JAM3: variants seen among roughly 807,000 people sequenced by gnomAD.
JAM3 encodes junctional adhesion molecule 3.
Under a neutral mutation model 39.4 loss-of-function variants are expected in JAM3, and 31 were observed. The ratio of observed to expected loss-of-function variants is 0.79; its 90% CI spans 0.59 to 1.06. The LOEUF (loss-of-function observed/expected upper bound fraction) is 1.06, where lower values mean the gene tolerates loss of function less well. JAM3 is among the 50% of genes least tolerant of loss of function. The pLI is 0.00. For missense variants in JAM3, 455 were observed against 391.4 expected, an observed-to-expected ratio of 1.16 and a Z score of -1.37; for synonymous variants, 182 against 148.7, an observed-to-expected ratio of 1.22 and a Z score of -1.63.
intron 3 of JAM3, among the ~76,000 whole-genome samples, 154 bp downstream of exon 3, chr11:134,140,924 C>A (rs1214241914): frequency 6.6e-6 from 1 of 150,746 alleles, no homozygotes; most frequent in African/African-American, 2.4e-5. Flanking sequence ...TGGAAAATTT[C>A]AAATATATGC....
intron 1 of JAM3, among the ~76,000 whole-genome samples, chr11:134,096,381 T>C (rs1047919075): frequency 6.6e-6 from 1 of 152,234 alleles, no homozygotes. Flanking sequence ...TTCACTTCCA[T>C]CCAGAAGGCC....
chr11:134,118,749 C>T (rs969547071), intron 1 of JAM3, among the ~76,000 whole-genome samples: 2 of 152,090 alleles, frequency 1.3e-5, no homozygotes, highest in Admixed American at 6.5e-5. Flanking sequence ...TTTGTCTTTC[C>T]TCATAGCTTC....
intron 1 of JAM3, among the ~76,000 whole-genome samples, chr11:134,086,459 A>G (rs1011834657): frequency 3.3e-5 from 5 of 152,134 alleles, no homozygotes; most frequent in African/African-American, 1.2e-4. Context: ...AGTAAAGAAG[A>G]AAAATTTCTC....
intron 1 of JAM3, among the ~76,000 whole-genome samples, chr11:134,117,821 G>T (rs1427207225): frequency 6.6e-6 from 1 of 152,260 alleles, no homozygotes; most frequent in East Asian, 1.9e-4. Flanking sequence ...CTGAAGAAGG[G>T]TGATCACTCC....
chr11:134,071,649 T>G (rs1941485163), intron 1 of JAM3, among the ~76,000 whole-genome samples: 1 of 152,236 alleles, frequency 6.6e-6, no homozygotes, highest in Admixed American at 6.5e-5. Flanking sequence ...TAAGACAACT[T>G]GTGTGCTGAA....
intron 1 of JAM3, among the ~76,000 whole-genome samples, chr11:134,114,822 G>C (rs939275906): frequency 2.0e-5 from 3 of 152,170 alleles, no homozygotes; most frequent in African/African-American, 7.2e-5. Flanking sequence ...GTATTCTGCT[G>C]TCTTTGGGTT....
At chr11:134,117,188 C>G (rs12363101) in intron 1 of JAM3, among the ~76,000 whole-genome samples, 3,335 of 152,008 alleles carry the variant, frequency 0.022, 63 homozygotes, top group Non-Finnish European at 0.031. Flanking sequence ...ATGGTGAAAC[C>G]CTGTCTCTAC....
Position 134,106,168 on chromosome 11 carries a change from A to G in JAM3, c.77-33683A>G, listed in dbSNP as rs981724542. ...AAACAGATATAGATCAATGGAACAG[A>G]ACAGAGCCCTCAGAAATAATACCAC... is the stretch of plus-strand genomic sequence containing the variant. On this transcript the variant is annotated intron_variant, in intron 1 of 8. Coordinates refer to ENST00000299106, the MANE Select transcript of JAM3 (RefSeq NM_032801.5). 3.3e-5 allele frequency among the ~76,000 whole-genome samples: 5 copies of G among 152,338 alleles called. No individual in the cohort carries two copies. The East Asian group carries it at 7.7e-4, about 23-fold the overall frequency.
rs368312974 is a variant in JAM3, at chr11:134,144,837, T to A, written c.455T>A (p.Val152Glu). ...PVCRVPKAVP[V>E]GKMATLHCQE... ...TGTAGAGTGCCGAAGGCTGTACCAGTAGGCAAGATGGCAACACTGCACTGC... is the reference window on the plus strand; with the variant it reads ...TGTAGAGTGCCGAAGGCTGTACCAGAAGGCAAGATGGCAACACTGCACTGC... The change falls in exon 5 of 9, where the codon GTA becomes GAA. Residue 152 changes from valine to glutamate, a missense_variant. Val to Glu is a moderately radical substitution (Grantham distance 121). Coordinates refer to ENST00000299106, the MANE Select transcript of JAM3 (RefSeq NM_032801.5). 2.5e-6 allele frequency: 4 copies of A among 1,614,064 alleles called. No individual in the cohort carries two copies. Among genetic ancestry groups the A allele is most frequent in the African/African-American group, 1.3e-5 (1 of 74,914 alleles).
chr11:134,091,990 A>C (rs1941867648), intron 1 of JAM3, among the ~76,000 whole-genome samples: 1 of 152,146 alleles, frequency 6.6e-6, no homozygotes, highest in Non-Finnish European at 1.5e-5. Context: ...TCATTTCTGT[A>C]CATTTTAAAA....
At chr11:134,122,310 G>A (rs1435235890) in intron 1 of JAM3, among the ~76,000 whole-genome samples, 5 of 152,190 alleles carry the variant, frequency 3.3e-5, no homozygotes, top group African/African-American at 1.2e-4. Flanking sequence ...CTTTAAGCCT[G>A]TATTCAGAGC....
chr11:134,139,783 C>T (rs887791330), intron 1 of JAM3, 68 bp from the exon 2 acceptor site: 19 of 1,229,744 alleles, frequency 1.5e-5, no homozygotes, highest in Middle Eastern at 1.9e-4. Flanking sequence ...GAAAACCTGA[C>T]CTCAGTGCAA....
intron 1 of JAM3, among the ~76,000 whole-genome samples, chr11:134,106,293 T>C (rs1942184410): frequency 1.3e-5 from 2 of 152,140 alleles, no homozygotes; most frequent in African/African-American, 4.8e-5. Context: ...TGGCTAGCCA[T>C]ATGTAGAAAG....
At chr11:134,097,628 T>C (rs1055566198) in intron 1 of JAM3, among the ~76,000 whole-genome samples, 2 of 152,186 alleles carry the variant, frequency 1.3e-5, no homozygotes, top group South Asian at 2.1e-4. Flanking sequence ...TTATAGGGAA[T>C]GGAAAATTCA....
intron 1 of JAM3, among the ~76,000 whole-genome samples, chr11:134,084,009 C>T (rs1591771363): frequency 2.0e-5 from 3 of 152,122 alleles, no homozygotes; most frequent in Admixed American, 1.3e-4. Context: ...CTTATGGCTA[C>T]ATAATAAGGA....
intron 1 of JAM3, among the ~76,000 whole-genome samples, chr11:134,132,647 C>T (rs1312419693): frequency 2.6e-5 from 4 of 152,146 alleles, no homozygotes; most frequent in African/African-American, 7.2e-5. Flanking sequence ...TTGGGCAGGC[C>T]TTGTTAAGGA....
chr11:134,115,994 GT>G (rs1443512738), intron 1 of JAM3, among the ~76,000 whole-genome samples: 1 of 152,168 alleles, frequency 6.6e-6, no homozygotes, highest in Non-Finnish European at 1.5e-5. Flanking sequence ...ATCATGACAT[GT>G]TGCTGGTATT....
chr11:134,087,595 G>A (rs1941766928), intron 1 of JAM3, among the ~76,000 whole-genome samples: 1 of 152,110 alleles, frequency 6.6e-6, no homozygotes, highest in Non-Finnish European at 1.5e-5. Context: ...CTCTTCTTAC[G>A]TATACAGGTT....
At position 134,149,159 on chromosome 11, in the gene JAM3, A is replaced by G. The variant is rs1169491331; in HGVS notation, c.911A>G (p.His304Arg). Residue 304 changes from histidine (H) to arginine (R), a missense_variant, in exon 9 of 9, where the codon CAC (histidine) becomes CGC (arginine). Coordinates refer to ENST00000299106, the MANE Select transcript of JAM3 (RefSeq NM_032801.5). The stretch of plus-strand genomic sequence containing the variant: ...TTGGCTTTGCAGGGCGACTTCAGAC[A>G]CAAGTCATCGTTTGTGATCTGAGAC... ...IRTDEEGDFR[H>R]KSSFVI 8.1e-6 allele frequency: 13 copies of G among 1,613,908 alleles called. No individual in the cohort carries two copies. The highest frequency in any genetic ancestry group is 2.2e-5 in the East Asian group (1 of 44,898).
Sources: gnomAD v4.1 joint callset for allele counts (sites outside exome capture counted in the v4.1 genomes callset) on GRCh38, gnomAD v4.1.1 for gene constraint, MANE v1.5 for transcripts, NCBI Gene and HGNC (gene_info 2026-07-23, HGNC 2026-07-21) for gene names.